The following ADAM12 variants were observed in gnomAD, a reference collection of about 807,000 sequenced individuals.
The protein encoded by ADAM12 is disintegrin and metalloproteinase domain-containing protein 12.
A neutral mutation model predicts 106.4 loss-of-function variants in ADAM12; 70 were observed. The observed-to-expected ratio is 0.66, with a 90% CI of 0.54 to 0.80. The LOEUF (loss-of-function observed/expected upper bound fraction) is 0.80. Among genes scored for constraint, ADAM12 ranks in the 30% least tolerant of loss-of-function variants. ADAM12 has a pLI of 0.00. For synonymous variants in ADAM12, 420 were observed against 433.5 expected, an observed-to-expected ratio of 0.97 and a Z score of 0.39; for missense variants, 1,010 against 1,171.9, an observed-to-expected ratio of 0.86 and a Z score of 2.02.
intron 2 of ADAM12, among the ~76,000 whole-genome samples, chr10:126,316,780 T>C (rs1380295315): frequency 7.8e-6 from 1 of 128,218 alleles, no homozygotes; most frequent in Non-Finnish European, 1.6e-5. Flanking sequence ...TGAGACCCTA[T>C]CTCAAAAAAA....
At chr10:126,287,256 G>C (rs958845968) in intron 2 of ADAM12, among the ~76,000 whole-genome samples, 1 of 152,146 alleles carries the variant, frequency 6.6e-6, no homozygotes, top group Admixed American at 6.5e-5. Context: ...ATCTGTCTGA[G>C]GACAATGGCC....
chr10:126,210,796 G>A (rs1164082836), intron 3 of ADAM12, among the ~76,000 whole-genome samples: 2 of 152,140 alleles, frequency 1.3e-5, no homozygotes, highest in African/African-American at 2.4e-5. Flanking sequence ...GGCTTTTCTG[G>A]ACATTAAGGG....
chr10:126,126,656 G>C (rs528466755), intron 5 of ADAM12, among the ~76,000 whole-genome samples: 3 of 152,034 alleles, frequency 2.0e-5, no homozygotes, highest in African/African-American at 7.2e-5. Context: ...TGACCTTCTA[G>C]AATGTGCAAC....
At chr10:126,345,491 T>TG (rs934983588) in intron 1 of ADAM12, among the ~76,000 whole-genome samples, 19 of 152,308 alleles carry the variant, frequency 1.2e-4, no homozygotes, top group African/African-American at 4.6e-4. Context: ...TCTCCTTTTT[T>TG]GTTGTGTCTC....
At chr10:126,031,625 TAA>T (rs1953972603) in intron 21 of ADAM12, among the ~76,000 whole-genome samples, 1 of 152,250 alleles carries the variant, frequency 6.6e-6, no homozygotes, top group Admixed American at 6.5e-5. Flanking sequence ...GACTTCCTTG[TAA>T]TAGCTGCCAC....
chr10:126,340,985 G>A (rs1159205127), intron 1 of ADAM12, among the ~76,000 whole-genome samples: 1 of 152,122 alleles, frequency 6.6e-6, no homozygotes. Context: ...AAAGTGCTGG[G>A]ATTACAGGTG....
chr10:126,080,054 C>T (rs1039569356), intron 11 of ADAM12, among the ~76,000 whole-genome samples: 4 of 152,174 alleles, frequency 2.6e-5, no homozygotes, highest in African/African-American at 9.7e-5. Context: ...ATTGACTAAT[C>T]CTCATACTGC....
intron 2 of ADAM12, among the ~76,000 whole-genome samples, chr10:126,313,215 G>A (rs988908862): frequency 2.0e-5 from 3 of 152,172 alleles, no homozygotes; most frequent in African/African-American, 7.2e-5. Context: ...TATCTCCACA[G>A]GGCTGTTTAA....
At chr10:126,042,150 G>A in intron 18 of ADAM12, 2 of 1,613,758 alleles carry the variant, frequency 1.2e-6, no homozygotes, top group Non-Finnish European at 1.7e-6. Flanking sequence ...GTGTCAGTGA[G>A]GCAGTAGACG....
chr10:126,232,762 G>C lies in ADAM12; in HGVS notation c.260+46153C>G, dbSNP rs376903330. 1.3e-3 allele frequency among the ~76,000 whole-genome samples: 198 copies of C among 152,326 alleles called. 1 individual carries two copies. The highest frequency in any genetic ancestry group is 3.3e-3 in the East Asian group (17 of 5,188). ...ACTTGTGAAGATGACATATTATATAGTTAGGCAGCCATGACTGGAGCCCAG... is the reference window on the plus strand; with the variant it reads ...ACTTGTGAAGATGACATATTATATACTTAGGCAGCCATGACTGGAGCCCAG... On this transcript the variant is annotated intron_variant, in intron 3 of 22. Coordinates refer to ENST00000448723, the MANE Select transcript of ADAM12 (RefSeq NM_001288973.2).
chr10:126,353,805 C>A (rs777149887), intron 1 of ADAM12, among the ~76,000 whole-genome samples: 1 of 152,120 alleles, frequency 6.6e-6, no homozygotes, highest in African/African-American at 2.4e-5. Context: ...AAGCTCCCTG[C>A]GGTAATCAAT....
At chr10:126,090,264 G>A (rs989987582) in intron 11 of ADAM12, among the ~76,000 whole-genome samples, 2 of 147,736 alleles carry the variant, frequency 1.4e-5, no homozygotes, top group African/African-American at 2.5e-5. Flanking sequence ...TACCCCACCC[G>A]AGGAGATGGC....
At chr10:126,229,804 C>G (rs1185897863) in intron 3 of ADAM12, among the ~76,000 whole-genome samples, 1 of 152,092 alleles carries the variant, frequency 6.6e-6, no homozygotes, top group Non-Finnish European at 1.5e-5. Context: ...GAGCTCTGCC[C>G]CGTATTCCAG....
rs573220827 is a variant in ADAM12, at chr10:126,296,667, T to C, written c.187-17679A>G. On this transcript the variant is annotated intron_variant, in intron 2 of 22. Coordinates refer to ENST00000448723, the MANE Select transcript of ADAM12 (RefSeq NM_001288973.2). ...TATTTCAGATATGAGCCACCTAATT[T>C]AGAGTTCACTGAGACCCCATGTTTC... 3.0e-4 allele frequency among the ~76,000 whole-genome samples: 46 copies of C among 152,304 alleles called. 1 individual carries two copies. Among genetic ancestry groups the C allele is most frequent in the Admixed American group, 1.8e-3 (27 of 15,300 alleles).
At chr10:126,314,665 T>C (rs1267157499) in intron 2 of ADAM12, among the ~76,000 whole-genome samples, 1 of 152,198 alleles carries the variant, frequency 6.6e-6, no homozygotes, top group East Asian at 1.9e-4. Flanking sequence ...CCCCAAAATG[T>C]CACTTGACTA....
chr10:126,303,522 A>G (rs1319596778), intron 2 of ADAM12, among the ~76,000 whole-genome samples: 1 of 152,236 alleles, frequency 6.6e-6, no homozygotes, highest in African/African-American at 2.4e-5. Flanking sequence ...CACACAGAGC[A>G]TTCAGGGCAA....
At chr10:126,304,805 A>G (rs1009848531) in intron 2 of ADAM12, among the ~76,000 whole-genome samples, 1 of 152,048 alleles carries the variant, frequency 6.6e-6, no homozygotes, top group African/African-American at 2.4e-5. Context: ...AAAAAAAAAT[A>G]TATTTGAATG....
At chr10:126,351,467 G>C (rs1247550201) in intron 1 of ADAM12, among the ~76,000 whole-genome samples, 1 of 152,140 alleles carries the variant, frequency 6.6e-6, no homozygotes, top group Non-Finnish European at 1.5e-5. Context: ...TCTGGTGCTG[G>C]ATTTCCCTGC....
At chr10:126,193,904 G>GAAATAAAATGAAAGAAAATAAAATA (rs1957549285) in intron 3 of ADAM12, among the ~76,000 whole-genome samples, 1 of 145,108 alleles carries the variant, frequency 6.9e-6, no homozygotes, top group African/African-American at 2.6e-5. Context: ...GAAATAAAAT[G>GAAATAAAATGAAAGAAAATAAAATA]AAATAAAATA....
Sources: allele counts gnomAD v4.1 joint callset (sites outside exome capture counted in the v4.1 genomes callset), GRCh38; gene constraint gnomAD v4.1.1; transcripts MANE v1.5; gene names NCBI Gene and HGNC (gene_info 2026-07-23, HGNC 2026-07-21).